Variants in SLC1A3 observed in about 807,000 individuals in gnomAD.
SLC1A3 encodes the protein solute carrier family 1 member 3, also known as excitatory amino acid transporter 1.
A neutral mutation model predicts 48.1 loss-of-function variants in SLC1A3; 21 were observed. The observed-to-expected ratio is 0.44, with a 90% CI of 0.31 to 0.63. The LOEUF is 0.63. Among genes scored for constraint, SLC1A3 ranks in the 20% least tolerant of loss-of-function variants. The pLI is 0.08. For missense variants in SLC1A3, 546 were observed against 689.0 expected, an observed-to-expected ratio of 0.79 and a Z score of 2.32; for synonymous variants, 239 against 251.4, an observed-to-expected ratio of 0.95 and a Z score of 0.47.
In SLC1A3 at chr5:36,608,344, C is replaced by A; in HGVS notation, c.-80C>A. The A allele has an allele frequency of 7.5e-7, 1 of 1,329,068 alleles. No individual in the cohort carries two copies. The highest frequency in any genetic ancestry group is 2.3e-5 in the East Asian group (1 of 42,948). 82.3% of individuals were successfully genotyped at this position (1,329,068 alleles called of 1,614,324 possible). On this transcript the variant is annotated 5_prime_UTR_variant, in exon 2 of 10. Coordinates refer to ENST00000265113, the MANE Select transcript of SLC1A3 (RefSeq NM_004172.5). ...CCCATTCTAGTTGTGTTTTCTAATA[C>A]CAAAGAGGAGGTTTGGCTTTCTGTG...
intron 2 of SLC1A3, among the ~76,000 whole-genome samples, chr5:36,610,407 A>G (rs1050122982): frequency 8.5e-5 from 13 of 152,234 alleles, no homozygotes; most frequent in African/African-American, 3.1e-4. Flanking sequence ...ACTCATTTAT[A>G]ATTCATGATC....
chr5:36,651,407 A>G lies in SLC1A3; in HGVS notation c.320-19622A>G, dbSNP rs146738106. Among the ~76,000 whole-genome samples the G allele has an allele frequency of 1.7e-3, 257 of 152,058 alleles. 1 individual carries two copies. The highest frequency in any genetic ancestry group is 5.9e-3 in the African/African-American group (246 of 41,498). On this transcript the variant is annotated intron_variant, in intron 3 of 9. Transcript: ENST00000265113. Reference sequence around the variant, plus strand: ...CTCTTTTCTTACCTACTTTTTTTGCACAAAGGTAGCATGTTCTTCCTAAAA... The same window carrying G: ...CTCTTTTCTTACCTACTTTTTTTGCGCAAAGGTAGCATGTTCTTCCTAAAA...
At chr5:36,599,202 T>C (rs1287482823) in intron 1 of SLC1A3, among the ~76,000 whole-genome samples, 1 of 152,190 alleles carries the variant, frequency 6.6e-6, no homozygotes, top group Non-Finnish European at 1.5e-5. Flanking sequence ...ATGAATACTA[T>C]CATTCCCGGC....
intron 2 of SLC1A3, among the ~76,000 whole-genome samples, chr5:36,620,138 CTTA>C (rs2111714083): frequency 6.6e-6 from 1 of 152,308 alleles, no homozygotes; most frequent in African/African-American, 2.4e-5. Context: ...GGGCAAGTGG[CTTA>C]TTCTTTCTAG....
intron 2 of SLC1A3, among the ~76,000 whole-genome samples, chr5:36,628,079 C>A (rs551187228): frequency 6.6e-6 from 1 of 152,158 alleles, no homozygotes; most frequent in African/African-American, 2.4e-5. Flanking sequence ...CACCTTTCTG[C>A]GTTTTCCAAT....
At chr5:36,652,902 G>T (rs980161175) in intron 3 of SLC1A3, among the ~76,000 whole-genome samples, 1 of 152,208 alleles carries the variant, frequency 6.6e-6, no homozygotes, top group Non-Finnish European at 1.5e-5. Flanking sequence ...AATGCTTTGG[G>T]TGAGGGTACA....
At chr5:36,628,117 G>C (rs925215564) in intron 2 of SLC1A3, among the ~76,000 whole-genome samples, 2 of 152,088 alleles carry the variant, frequency 1.3e-5, no homozygotes, top group African/African-American at 4.8e-5. Flanking sequence ...CCATATTACT[G>C]TTACATTGGA....
chr5:36,664,496 C>T (rs1188385361), intron 3 of SLC1A3, among the ~76,000 whole-genome samples: 1 of 146,326 alleles, frequency 6.8e-6, no homozygotes, highest in African/African-American at 2.5e-5. Flanking sequence ...TGTTTACAAA[C>T]ATTTTTTTTT....
Position 36,663,301 on chromosome 5 carries a change from C to T in SLC1A3, c.320-7728C>T, listed in dbSNP as rs185249207. Among the ~76,000 whole-genome samples, 446 of 151,836 alleles carry T rather than the reference C, an allele frequency of 2.9e-3. 4 individuals are homozygous for T. Among genetic ancestry groups the T allele is most frequent in the African/African-American group, 0.01 (422 of 41,366 alleles). On this transcript the variant is annotated intron_variant, in intron 3 of 9. Transcript: ENST00000265113. The stretch of plus-strand genomic sequence containing the variant: ...CGTGATCTCTGCTCCCTGCAACCTC[C>T]GCTTCCCAGGTTCGAGCAATTCTCC...
At chr5:36,645,236 C>T (rs1303792183) in intron 3 of SLC1A3, among the ~76,000 whole-genome samples, 1 of 145,188 alleles carries the variant, frequency 6.9e-6, no homozygotes, top group Non-Finnish European at 1.5e-5. Context: ...CCCTCAAGTT[C>T]TGTTTTTGGG....
intron 1 of SLC1A3, among the ~76,000 whole-genome samples, chr5:36,601,163 G>C (rs1392686680): frequency 7.9e-5 from 12 of 152,174 alleles, no homozygotes. Flanking sequence ...ATGTGTATCT[G>C]TCTTGATTGC....
chr5:36,600,664 C>T (rs558678347), intron 1 of SLC1A3, among the ~76,000 whole-genome samples: 1 of 152,132 alleles, frequency 6.6e-6, no homozygotes, highest in Non-Finnish European at 1.5e-5. Context: ...CCTCATAAGG[C>T]AATGGGAATT....
chr5:36,599,894 T>G (rs1313427923), intron 1 of SLC1A3, among the ~76,000 whole-genome samples: 1 of 152,084 alleles, frequency 6.6e-6, no homozygotes, highest in African/African-American at 2.4e-5. Context: ...CTATCTAGGC[T>G]CACCGCAACC....
At chr5:36,642,214 A>G (rs999369121) in intron 3 of SLC1A3, among the ~76,000 whole-genome samples, 3 of 152,196 alleles carry the variant, frequency 2.0e-5, no homozygotes, top group African/African-American at 7.2e-5. Context: ...ACTTGAAGTC[A>G]CCATATAACT....
chr5:36,661,619 G>A (rs531777477), intron 3 of SLC1A3, among the ~76,000 whole-genome samples: 8 of 152,304 alleles, frequency 5.3e-5, no homozygotes, highest in African/African-American at 1.7e-4. Context: ...GGCTCCTTTG[G>A]CCATAAGAAT....
At position 36,687,570 on chromosome 5, in the gene SLC1A3, T is replaced by C. The variant is rs1025768438; in HGVS notation, c.*1301T>C. ...TAGAAGTCCATGAGTTGAGTGGGTA[T>C]TTCTTATTTGAAAGTGTTTTTCTTT... On this transcript the variant is annotated 3_prime_UTR_variant, in exon 10 of 10. Coordinates refer to ENST00000265113, the MANE Select transcript of SLC1A3 (RefSeq NM_004172.5). The C allele has an allele frequency of 6.6e-6, 1 of 152,228 alleles. No homozygotes were observed. The highest frequency in any genetic ancestry group is 1.5e-5 in the Non-Finnish European group (1 of 68,050). The allele number at this position is 152,228 out of a possible 1,614,324, so 9.4% of individuals were successfully genotyped here. A position where few individuals can be genotyped will look rare whatever the true frequency, so the allele number is the denominator to read the frequency against.
chr5:36,675,252 T>A (rs201479695), intron 5 of SLC1A3, among the ~76,000 whole-genome samples: 1 of 149,438 alleles, frequency 6.7e-6, no homozygotes, highest in Non-Finnish European at 1.5e-5. Context: ...ATTCTTTCTT[T>A]AAAAAAAAAA....
At chr5:36,621,486 T>G (rs1325730556) in intron 2 of SLC1A3, among the ~76,000 whole-genome samples, 2 of 151,962 alleles carry the variant, frequency 1.3e-5, no homozygotes, top group Non-Finnish European at 2.9e-5. Context: ...GGGAGAGAGA[T>G]CCTGACCTAG....
At chr5:36,630,513 C>G (rs1428980494) in intron 3 of SLC1A3, 2 of 152,224 alleles carry the variant, frequency 1.3e-5, no homozygotes, top group Non-Finnish European at 2.9e-5. Context: ...ATTACTGACC[C>G]TATTCTCTTT....
Sources: allele counts gnomAD v4.1 joint callset (sites outside exome capture counted in the v4.1 genomes callset), GRCh38; gene constraint gnomAD v4.1.1; transcripts MANE v1.5; gene names NCBI Gene and HGNC (gene_info 2026-07-23, HGNC 2026-07-21).